Variants in GUCY1A2 observed in about 807,000 individuals in gnomAD.
GUCY1A2 encodes the protein guanylate cyclase 1 soluble subunit alpha 2.
Under a neutral mutation model 63.5 loss-of-function variants are expected in GUCY1A2, and 27 were observed. The ratio of observed to expected loss-of-function variants is 0.43; its 90% CI spans 0.31 to 0.59. The LOEUF (loss-of-function observed/expected upper bound fraction) is 0.59. Among genes scored for constraint, GUCY1A2 ranks in the 20% least tolerant of loss-of-function variants. The probability of loss-of-function intolerance (pLI) is 0.11; values close to 1 mark genes in which losing one functional copy is unlikely to be tolerated. For missense variants in GUCY1A2, 768 were observed against 913.3 expected, an observed-to-expected ratio of 0.84 and a Z score of 2.05; for synonymous variants, 364 against 343.5, an observed-to-expected ratio of 1.06 and a Z score of -0.66.
chr11:106,827,961 G>A (rs1181693808), intron 4 of GUCY1A2: 2 of 940,298 alleles, frequency 2.1e-6, no homozygotes, highest in African/African-American at 1.6e-5. Flanking sequence ...AGGAGAGGAA[G>A]CAGCCGCGAG....
In GUCY1A2 at chr11:106,688,628, A is replaced by T. The variant is rs115109915; in HGVS notation, c.1992-872T>A. The stretch of plus-strand genomic sequence containing the variant: ...ATAGAAACAGAATAAAAGAATTTTT[A>T]AAAAAACCCAATAAATGAACAAAAC... On this transcript the variant is annotated intron_variant, in intron 7 of 7. Coordinates refer to ENST00000526355, the MANE Select transcript of GUCY1A2 (RefSeq NM_000855.3). Among the ~76,000 whole-genome samples the T allele has an allele frequency of 3.4e-3, 521 of 152,218 alleles. 3 individuals are homozygous for T. Among genetic ancestry groups the T allele is most frequent in the African/African-American group, 0.011 (477 of 41,520 alleles).
At chr11:106,708,764 A>AT (rs1156935633) in intron 6 of GUCY1A2, 98 bp from the exon 7 acceptor site, 177 of 722,916 alleles carry the variant, frequency 2.4e-4, no homozygotes, top group African/African-American at 3.1e-4. Context: ...AATAATAATA[A>AT]AAAAAAACTA....
intron 4 of GUCY1A2, among the ~76,000 whole-genome samples, chr11:106,923,599 A>T (rs1860478841): frequency 6.6e-6 from 1 of 151,736 alleles, no homozygotes; most frequent in Admixed American, 6.6e-5. Flanking sequence ...TTTTTAAAAC[A>T]TATGACAAAA....
chr11:106,872,765 A>G (rs1481389946), intron 4 of GUCY1A2, among the ~76,000 whole-genome samples: 1 of 152,218 alleles, frequency 6.6e-6, no homozygotes, highest in Non-Finnish European at 1.5e-5. Flanking sequence ...ACACACACAC[A>G]TACCAACACA....
intron 6 of GUCY1A2, among the ~76,000 whole-genome samples, chr11:106,760,016 C>T (rs1048863560): frequency 2.6e-5 from 4 of 151,108 alleles, no homozygotes; most frequent in African/African-American, 9.8e-5. Context: ...GGATTTTATG[C>T]TGCCAAGGAA....
At chr11:106,895,487 T>G (rs1008955596) in intron 4 of GUCY1A2, among the ~76,000 whole-genome samples, 3 of 152,054 alleles carry the variant, frequency 2.0e-5, no homozygotes, top group Non-Finnish European at 4.4e-5. Context: ...TGGGGGCAGG[T>G]TTTTTCCATG....
In GUCY1A2 at chr11:106,978,733, C is replaced by A; in HGVS notation, c.373G>T (p.Asp125Tyr). The A allele has an allele frequency of 1.3e-6, 2 of 1,594,976 alleles. No homozygotes were observed. Among genetic ancestry groups the A allele is most frequent in the Non-Finnish European group, 1.7e-6 (2 of 1,172,564 alleles). ...ATATTGTGGAAATTCTTTTCTGCAT[C>A]CCTGTAACTAAGAAGAAAACAAAAT... The part of the protein sequence containing the change: ...YYEHQVIGYR[D>Y]AEKNFHNISN... The change falls in exon 3 of 8, where the codon GAT (aspartate) becomes TAT (tyrosine). Residue 125 changes from aspartate to tyrosine, a missense_variant. Asp to Tyr is a radical substitution (Grantham distance 160). Transcript: ENST00000526355.
intron 7 of GUCY1A2, among the ~76,000 whole-genome samples, chr11:106,689,763 G>A (rs1428183070): frequency 6.6e-6 from 1 of 152,152 alleles, no homozygotes; most frequent in Non-Finnish European, 1.5e-5. Context: ...GGCTCACAAG[G>A]TGGGCAGATC....
chr11:106,823,974 T>G, intron 4 of GUCY1A2: 2 of 624,960 alleles, frequency 3.2e-6, no homozygotes, highest in South Asian at 9.1e-5. Flanking sequence ...TAAAAATTAC[T>G]GCGCATATAG....
chr11:106,849,326 T>C (rs1005622346), intron 4 of GUCY1A2, among the ~76,000 whole-genome samples: 2 of 149,928 alleles, frequency 1.3e-5, no homozygotes, highest in Non-Finnish European at 3.0e-5. Context: ...ATATATATAA[T>C]ATGCAAATTA....
chr11:106,939,515 G>A lies in GUCY1A2; in HGVS notation c.1151C>T (p.Thr384Ile). ...TFERVLLRLS[T>I]PFVIRTKPEA... is the part of the protein sequence containing the mutation. ...AGGCTTGGTTCTAATCACAAACGGG[G>A]TAGACAGTCGCAGCAGGACCCTTTC... The change falls in exon 4 of 8, where the codon ACC becomes ATC. Residue 384 changes from threonine to isoleucine, a missense_variant. Thr to Ile is a moderately conservative substitution (Grantham distance 89, BLOSUM62 -1). Transcript: ENST00000526355. The A allele has an allele frequency of 1.2e-6, 2 of 1,613,034 alleles. No homozygotes were observed. The highest frequency in any genetic ancestry group is 8.5e-7 in the Non-Finnish European group (1 of 1,179,066).
At chr11:107,007,735 C>A (rs1052297174) in intron 1 of GUCY1A2, among the ~76,000 whole-genome samples, 1 of 152,142 alleles carries the variant, frequency 6.6e-6, no homozygotes, top group African/African-American at 2.4e-5. Flanking sequence ...CCCTGTGCCA[C>A]TATTGTGTCC....
intron 4 of GUCY1A2, among the ~76,000 whole-genome samples, chr11:106,916,681 C>T (rs550595065): frequency 1.4e-5 from 2 of 145,048 alleles, no homozygotes; most frequent in South Asian, 4.8e-4. Context: ...GAATAAGTAG[C>T]CAATTAGCGT....
intron 4 of GUCY1A2, among the ~76,000 whole-genome samples, chr11:106,927,218 A>G (rs1860536878): frequency 6.6e-6 from 1 of 151,502 alleles, no homozygotes; most frequent in Non-Finnish European, 1.5e-5. Flanking sequence ...CTAAAAATAC[A>G]AAAAGTTGGC....
intron 6 of GUCY1A2, among the ~76,000 whole-genome samples, chr11:106,745,317 A>G (rs1049499414): frequency 6.6e-5 from 10 of 152,126 alleles, no homozygotes; most frequent in African/African-American, 1.9e-4. Flanking sequence ...ACACCCACAC[A>G]CTCTCTTTCT....
chr11:106,925,246 T>C (rs988264994), intron 4 of GUCY1A2, among the ~76,000 whole-genome samples: 3 of 152,102 alleles, frequency 2.0e-5, no homozygotes, highest in Non-Finnish European at 4.4e-5. Flanking sequence ...AGCCACTAAC[T>C]TTAAAGAAAA....
chr11:106,932,543 G>A (rs954767114), intron 4 of GUCY1A2, among the ~76,000 whole-genome samples: 3 of 152,000 alleles, frequency 2.0e-5, no homozygotes, highest in Non-Finnish European at 2.9e-5. Context: ...TGGCCATACT[G>A]CCCAAAGTAA....
chr11:107,017,672 C>T lies in GUCY1A2; in HGVS notation c.303+81G>A, dbSNP rs1303110458. ...CCCCAGCGGTCGGGCTCTGCGCTCG[C>T]GCCCCGGCTCGCCCAGCGCCAACTT... On this transcript the variant is annotated intron_variant, in intron 1 of 7. Coordinates refer to ENST00000526355, the MANE Select transcript of GUCY1A2 (RefSeq NM_000855.3). 1.2e-5 allele frequency: 10 copies of T among 830,314 alleles called. No homozygotes were observed. The Admixed American group carries it at 4.3e-4, about 36-fold the overall frequency. 51.4% of individuals were successfully genotyped at this position (830,314 alleles called of 1,614,324 possible).
chr11:106,844,997 G>A (rs1330575176), intron 4 of GUCY1A2, among the ~76,000 whole-genome samples: 3 of 151,614 alleles, frequency 2.0e-5, no homozygotes, highest in Non-Finnish European at 3.0e-5. Flanking sequence ...GCCATCAGTA[G>A]GTTAATCTTT....
Sources: gnomAD v4.1 joint callset for allele counts (sites outside exome capture counted in the v4.1 genomes callset) on GRCh38, gnomAD v4.1.1 for gene constraint, MANE v1.5 for transcripts, NCBI Gene and HGNC (gene_info 2026-07-23, HGNC 2026-07-21) for gene names.